Variants in TMOD3 observed in about 807,000 individuals in gnomAD.
TMOD3 encodes the protein tropomodulin 3, also known as tropomodulin-3.
TMOD3 carries 20 observed loss-of-function variants against 39.2 expected under a neutral mutation model. The ratio of observed to expected loss-of-function variants is 0.51; its 90% CI spans 0.36 to 0.74. The LOEUF is 0.74. Among genes scored for constraint, TMOD3 ranks in the 30% least tolerant of loss-of-function variants. The pLI, the probability that TMOD3 is intolerant of heterozygous loss-of-function variation, is 0.00. For synonymous variants in TMOD3, 143 were observed against 145.8 expected, an observed-to-expected ratio of 0.98 and a Z score of 0.14; for missense variants, 381 against 412.8, an observed-to-expected ratio of 0.92 and a Z score of 0.67.
chr15:51,844,160 G>A (rs1446264978), intron 1 of TMOD3, among the ~76,000 whole-genome samples: 1 of 152,138 alleles, frequency 6.6e-6, no homozygotes, highest in African/African-American at 2.4e-5. Context: ...CAAACACTGA[G>A]TGAACCCTCT....
At chr15:51,868,149 T>C (rs2056456750) in intron 2 of TMOD3, among the ~76,000 whole-genome samples, 1 of 152,178 alleles carries the variant, frequency 6.6e-6, no homozygotes, top group African/African-American at 2.4e-5. Flanking sequence ...TATCCTACTG[T>C]ATGGTATATA....
chr15:51,843,865 G>T (rs1312834382), intron 1 of TMOD3, among the ~76,000 whole-genome samples: 5 of 147,860 alleles, frequency 3.4e-5, no homozygotes, highest in South Asian at 2.2e-4. Context: ...CTTAAAATGA[G>T]CTTTGCTATT....
chr15:51,859,314 G>A (rs541894173), intron 1 of TMOD3: 29 of 727,340 alleles, frequency 4.0e-5, no homozygotes, highest in South Asian at 3.9e-4. Flanking sequence ...GTGGTTCAAT[G>A]GTTCCTTGAT....
intron 4 of TMOD3, 119 bp from the exon 5 acceptor site, chr15:51,888,937 G>A: frequency 1.6e-6 from 1 of 632,016 alleles, no homozygotes; most frequent in East Asian, 3.1e-5. Context: ...CTGTGTGGGT[G>A]TGTGATCTGT....
intron 9 of TMOD3, among the ~76,000 whole-genome samples, chr15:51,907,886 G>A (rs2056690397): frequency 1.3e-5 from 2 of 152,322 alleles, no homozygotes; most frequent in African/African-American, 4.8e-5. Flanking sequence ...TACATGTACC[G>A]TTCTTTGCTG....
chr15:51,833,039 G>C (rs922239327), intron 1 of TMOD3: 1 of 152,188 alleles, frequency 6.6e-6, no homozygotes, highest in African/African-American at 2.4e-5. Flanking sequence ...TTTTATGTCA[G>C]ATCCTTTAAA....
intron 1 of TMOD3, chr15:51,860,636 AC>A (rs896349357): frequency 1.9e-6 from 1 of 535,886 alleles, no homozygotes; most frequent in African/African-American, 1.9e-5. Flanking sequence ...CCCATTTCTT[AC>A]AAAAAACTAC....
intron 5 of TMOD3, among the ~76,000 whole-genome samples, chr15:51,893,317 AAAAAAAT>A (rs2056603985): frequency 6.6e-6 from 1 of 150,396 alleles, no homozygotes; most frequent in Non-Finnish European, 1.5e-5. Context: ...AAAAAAAAAA[AAAAAAAT>A]TAAATAAATA....
Position 51,909,165 on chromosome 15 carries a change from A to G in TMOD3, c.*355A>G, listed in dbSNP as rs967409656. On this transcript the variant is annotated 3_prime_UTR_variant, in exon 10 of 10. Coordinates refer to ENST00000308580, the MANE Select transcript of TMOD3 (RefSeq NM_014547.5). ...AATCAAAAGGGATGTTGCTGGTATC[A>G]GAATTGTTATTGCTTCATTTAGACA... is the stretch of plus-strand genomic sequence containing the variant. 6 of 179,918 alleles carry G rather than the reference A, an allele frequency of 3.3e-5. No individual in the cohort carries two copies. Among genetic ancestry groups the G allele is most frequent in the African/African-American group, 1.4e-4 (6 of 42,598 alleles). 11.1% of individuals were successfully genotyped at this position (179,918 alleles called of 1,614,324 possible).
chr15:51,877,280 C>T (rs891907838), intron 3 of TMOD3, among the ~76,000 whole-genome samples: 1 of 151,976 alleles, frequency 6.6e-6, no homozygotes, highest in Admixed American at 6.6e-5. Context: ...TATTAACTTT[C>T]CAGTGCTGGA....
rs2056701245 is a variant in TMOD3 at position 51,909,849 on chromosome 15, CACTGCTACAAATCTTCCA to C, written c.*1042_*1059del. The C allele has an allele frequency of 6.6e-6, 1 of 152,202 alleles. No individual in the cohort carries two copies. Among genetic ancestry groups the C allele is most frequent in the African/African-American group, 2.4e-5 (1 of 41,434 alleles). 9.4% of individuals were successfully genotyped at this position (152,202 alleles called of 1,614,324 possible). ...CAGAATTGCATAAACAGTATTTAATCACTGCTACAAATCTTCCAACCAAGAAGGAAAACTGCTATTCTT... is the reference window on the plus strand; with the variant it reads ...CAGAATTGCATAAACAGTATTTAATCACCAAGAAGGAAAACTGCTATTCTT... On this transcript the variant is annotated 3_prime_UTR_variant, in exon 10 of 10. Coordinates refer to ENST00000308580, the MANE Select transcript of TMOD3 (RefSeq NM_014547.5).
In TMOD3 at chr15:51,914,407, G is replaced by A. The variant is rs538745122; in HGVS notation, c.*5597G>A. The A allele has an allele frequency of 2.2e-4, 34 of 152,332 alleles. No individual in the cohort carries two copies. Among genetic ancestry groups the A allele is most frequent in the African/African-American group, 8.2e-4 (34 of 41,550 alleles). 9.4% of individuals were successfully genotyped at this position (152,332 alleles called of 1,614,324 possible). A position where few individuals can be genotyped will look rare whatever the true frequency, so the allele number is the denominator to read the frequency against. ...TGGCCGGGTGCAGTGGCTCACACTT[G>A]TAATCCCAGCACTGTGGAGGCTGAG... On this transcript the variant is annotated 3_prime_UTR_variant, in exon 10 of 10. Transcript: ENST00000308580.
chr15:51,869,199 A>T lies in TMOD3; in HGVS notation c.127-18A>T. The T allele has an allele frequency of 6.2e-7, 1 of 1,610,338 alleles. No homozygotes were observed. The highest frequency in any genetic ancestry group is 1.3e-5 in the African/African-American group (1 of 74,782). ...GCATTCTTATTGGTCATATTGGCTG[A>T]TTCATTCTCTCTGGCAGAATGCCCT... On this transcript the variant is annotated intron_variant, in intron 2 of 9. Coordinates refer to ENST00000308580, the MANE Select transcript of TMOD3 (RefSeq NM_014547.5).
At chr15:51,902,966 A>G (rs1049082061) in intron 9 of TMOD3, among the ~76,000 whole-genome samples, 19 of 151,942 alleles carry the variant, frequency 1.3e-4, no homozygotes, top group African/African-American at 4.6e-4. Flanking sequence ...TTGTATTTTT[A>G]GTAGAAATGG....
At chr15:51,902,532 G>A (rs565436162) in intron 9 of TMOD3, among the ~76,000 whole-genome samples, 72 of 151,708 alleles carry the variant, frequency 4.7e-4, no homozygotes, top group Non-Finnish European at 9.1e-4. Context: ...GTGCAGTGGC[G>A]CCATCTCGGC....
rs200968446 is a variant in TMOD3, at chr15:51,863,007, C to T, written c.123C>T (p.Pro41=). The T allele has an allele frequency of 1.5e-5, 24 of 1,612,052 alleles. No homozygotes were observed. Among genetic ancestry groups the T allele is most frequent in the African/African-American group, 2.7e-5 (2 of 74,794 alleles). ...QLETVLDDLD[P]ENALLPAGFR... The stretch of plus-strand genomic sequence containing the variant: ...AAACTGTTTTGGATGATCTTGACCC[C>T]GAGGTAGGTGCTAGGTGATGAAGAG... The change falls in exon 2 of 10, where the codon CCC becomes CCT. Residue 41 remains proline (P), a synonymous_variant. Coordinates refer to ENST00000308580, the MANE Select transcript of TMOD3 (RefSeq NM_014547.5).
At chr15:51,864,313 C>T (rs537054857) in intron 2 of TMOD3, among the ~76,000 whole-genome samples, 2 of 151,034 alleles carry the variant, frequency 1.3e-5, no homozygotes, top group East Asian at 1.9e-4. Flanking sequence ...TTATCTAGTC[C>T]CTAGGCCAGG....
At chr15:51,880,946 C>G (rs2056530194) in intron 3 of TMOD3, among the ~76,000 whole-genome samples, 1 of 152,126 alleles carries the variant, frequency 6.6e-6, no homozygotes. Context: ...AGTAATGTAC[C>G]AGGGTTGAAA....
At chr15:51,889,030 A>G (rs756156473) in intron 4 of TMOD3, 26 bp from the exon 5 acceptor site, 5 of 1,478,560 alleles carry the variant, frequency 3.4e-6, no homozygotes, top group Non-Finnish European at 4.6e-6. Flanking sequence ...TAAAACAATA[A>G]AAACTTTCTT....
Sources: gnomAD v4.1 joint callset for allele counts (sites outside exome capture counted in the v4.1 genomes callset) on GRCh38, gnomAD v4.1.1 for gene constraint, MANE v1.5 for transcripts, NCBI Gene and HGNC (gene_info 2026-07-23, HGNC 2026-07-21) for gene names.